The following MEIOC variants were observed in gnomAD, a reference collection of about 807,000 sequenced individuals.
MEIOC encodes the protein meiosis-specific coiled-coil domain-containing protein MEIOC.
In MEIOC, 9 loss-of-function variants were observed where a neutral mutation model predicts 85.3. The observed-to-expected ratio is 0.11, with a 90% CI of 0.06 to 0.18. The LOEUF (loss-of-function observed/expected upper bound fraction) is 0.18. Ranked by LOEUF, MEIOC falls within the 10% of genes least tolerant of loss-of-function variation. The probability of loss-of-function intolerance (pLI) is 1.00; values close to 1 mark genes in which losing one functional copy is unlikely to be tolerated. For missense variants in MEIOC, 898 were observed against 1,129.4 expected, an observed-to-expected ratio of 0.80 and a Z score of 2.94; for synonymous variants, 365 against 393.7, an observed-to-expected ratio of 0.93 and a Z score of 0.86.
rs1332667229 is a variant in MEIOC, at chr17:44,674,902, T to C, written c.*706T>C. 1.0e-6 allele frequency: 1 copy of C among 966,590 alleles called. No individual in the cohort carries two copies. The highest frequency in any genetic ancestry group is 1.8e-5 in the African/African-American group (1 of 56,822). 59.9% of individuals were successfully genotyped at this position (966,590 alleles called of 1,614,324 possible). ...TTTGTGTATATTCTTTAAATTTTAA[T>C]TATATTATCAATTGTTAAATGTTTC... On this transcript the variant is annotated 3_prime_UTR_variant, in exon 8 of 8. Transcript: ENST00000409122.
chr17:44,666,425 T>C lies in MEIOC; in HGVS notation c.514T>C (p.Phe172Leu). The C allele has an allele frequency of 6.4e-7, 1 of 1,553,782 alleles. No individual in the cohort carries two copies. Among genetic ancestry groups the C allele is most frequent in the Non-Finnish European group, 8.7e-7 (1 of 1,147,804 alleles). The change falls in exon 5 of 8, where the codon TTT (phenylalanine) becomes CTT (leucine). Residue 172 changes from phenylalanine (F) to leucine (L), a missense_variant. Phe to Leu is a conservative substitution (Grantham distance 22). Around this residue, in one of 2 missense-constraint regions of MEIOC, gnomAD observed 734 missense variants for 860.1 expected, o/e 0.85. Coordinates refer to ENST00000409122, the MANE Select transcript of MEIOC (RefSeq NM_001145080.3). ...AGTTTGGCCAATGAACACAAGCAGA[T>C]TTGCAGATCACCATGACCTCTTAAC... Reference protein sequence around the residue: ...KSVWPMNTSRFADHHDLLTET... With the variant: ...KSVWPMNTSRLADHHDLLTET...
At chr17:44,657,332 A>T in intron 2 of MEIOC, 71 bp downstream of exon 2, 3 of 1,180,502 alleles carry the variant, frequency 2.5e-6, no homozygotes, top group Non-Finnish European at 2.4e-6. Flanking sequence ...ACCGATTCAT[A>T]GGTGTTTAAT....
In MEIOC at chr17:44,666,867, A is replaced by G. The variant is rs766231630; in HGVS notation, c.956A>G (p.Tyr319Cys). The G allele has an allele frequency of 3.7e-6, 6 of 1,610,520 alleles. No homozygotes were observed. Among genetic ancestry groups the G allele is most frequent in the Non-Finnish European group, 4.2e-6 (5 of 1,178,028 alleles). Residue 319 changes from tyrosine (Y) to cysteine (C), a missense_variant, in exon 5 of 8, where the codon TAC becomes TGC. Tyr to Cys is a radical substitution (Grantham distance 194). Around this residue, in one of 2 missense-constraint regions of MEIOC, gnomAD observed 734 missense variants for 860.1 expected, o/e 0.85. Transcript: ENST00000409122. Reference sequence around the variant, plus strand: ...ATGTTTCTTTCTCAATTTAATAGATACAATGAAAATGTAGATTATTGTAGA... The same window carrying G: ...ATGTTTCTTTCTCAATTTAATAGATGCAATGAAAATGTAGATTATTGTAGA... ...AEMFLSQFNR[Y>C]NENVDYCRYP...
At chr17:44,671,601 C>G (rs530974055) in intron 6 of MEIOC, among the ~76,000 whole-genome samples, 1 of 149,662 alleles carries the variant, frequency 6.7e-6, no homozygotes, top group South Asian at 2.1e-4. Flanking sequence ...ATTTCATTAA[C>G]AGAGGATTTT....
At chr17:44,670,756 C>A in intron 6 of MEIOC, 1 of 129,490 alleles carries the variant, frequency 7.7e-6, no homozygotes, top group Middle Eastern at 3.5e-3. Flanking sequence ...ACAGGTTGGT[C>A]TCAAACTCCT....
At chr17:44,658,154 ATTTTT>A (rs71136034) in intron 2 of MEIOC, among the ~76,000 whole-genome samples, 2 of 128,586 alleles carry the variant, frequency 1.6e-5, no homozygotes, top group Non-Finnish European at 1.6e-5. Flanking sequence ...CCCAGGAACA[ATTTTT>A]TTTTTTTTTT....
chr17:44,657,007 TC>T, intron 1 of MEIOC, 119 bp from the exon 2 acceptor site: 1 of 1,193,494 alleles, frequency 8.4e-7, no homozygotes, highest in South Asian at 1.7e-5. Flanking sequence ...CACATTCGTG[TC>T]CTCTGAGAGG....
chr17:44,667,526 A>G lies in MEIOC; in HGVS notation c.1615A>G (p.Asn539Asp). ...TTTATTTCAGAAATATTGCCAAGAA[A>G]ACCCTTCAGCATTTTCTAGTTTTGA... Reference protein sequence around the residue: ...SNLFQKYCQENPSAFSSFDFS... With the variant: ...SNLFQKYCQEDPSAFSSFDFS... Residue 539 changes from asparagine (N) to aspartate (D), a missense_variant, in exon 5 of 8, where the codon AAC becomes GAC. By Grantham distance (23) the Asn-to-Asp change is conservative (BLOSUM62 1). This residue lies in a region of MEIOC where 734 missense variants were observed against 860.1 expected (regional missense o/e 0.85). Transcript: ENST00000409122. The G allele has an allele frequency of 1.2e-6, 2 of 1,613,938 alleles. No homozygotes were observed. Among genetic ancestry groups the G allele is most frequent in the South Asian group, 1.1e-5 (1 of 91,080 alleles).
chr17:44,665,122 T>A, intron 3 of MEIOC: 1 of 1,018,090 alleles, frequency 9.8e-7, no homozygotes, highest in Non-Finnish European at 1.2e-6. Flanking sequence ...AACCATGTGT[T>A]GTGGAGAAAT....
rs768768198 is a variant in MEIOC, at chr17:44,675,410, T to G, written c.*1214T>G. On this transcript the variant is annotated 3_prime_UTR_variant, in exon 8 of 8. Transcript: ENST00000409122. ...TGGGTTTTAACATTTCTAGCATGAG[T>G]TAAACTATAATGTACTGATGAAATT... is the stretch of plus-strand genomic sequence containing the variant. 1.1e-5 allele frequency: 11 copies of G among 970,922 alleles called. No individual in the cohort carries two copies. The highest frequency in any genetic ancestry group is 1.2e-5 in the Non-Finnish European group (10 of 816,822). The allele number at this position is 970,922 out of a possible 1,614,324, so 60.1% of individuals were successfully genotyped here. A position where few individuals can be genotyped will look rare whatever the true frequency, so the allele number is the denominator to read the frequency against.
At chr17:44,663,660 C>CTTAA (rs1971869579) in intron 3 of MEIOC, among the ~76,000 whole-genome samples, 1 of 152,140 alleles carries the variant, frequency 6.6e-6, no homozygotes, top group Non-Finnish European at 1.5e-5. Context: ...GAAAGTCTGT[C>CTTAA]TTAACCTTCT....
intron 2 of MEIOC, among the ~76,000 whole-genome samples, chr17:44,658,976 A>G (rs1222971982): frequency 2.6e-5 from 4 of 151,956 alleles, no homozygotes; most frequent in Non-Finnish European, 5.9e-5. Context: ...CATATTTTTG[A>G]TAATTTAAAG....
chr17:44,656,809 G>A, intron 1 of MEIOC, 127 bp downstream of exon 1: 1 of 414,404 alleles, frequency 2.4e-6, no homozygotes, highest in Non-Finnish European at 3.9e-6. Flanking sequence ...TGGGGAGGCC[G>A]AACGGGGCGG....
At position 44,674,324 on chromosome 17, in the gene MEIOC, A is replaced by C; in HGVS notation, c.*128A>C. The C allele has an allele frequency of 7.0e-7, 1 of 1,423,100 alleles. No homozygotes were observed. The highest frequency in any genetic ancestry group is 2.5e-5 in the East Asian group (1 of 39,986). The allele number at this position is 1,423,100 out of a possible 1,614,324, so 88.2% of individuals were successfully genotyped here. The stretch of plus-strand genomic sequence containing the variant: ...ATTTAAAGTTAATACCAGTACCTTA[A>C]TGAAGTCTAACTTCTATTTAAAAAT... On this transcript the variant is annotated 3_prime_UTR_variant, in exon 8 of 8. Coordinates refer to ENST00000409122, the MANE Select transcript of MEIOC (RefSeq NM_001145080.3).
Position 44,667,571 on chromosome 17 carries a change from G to C in MEIOC, c.1660G>C (p.Glu554Gln). ...TTTTGATTTTAGTTACAGTGGTGCA[G>C]AAAGAATCCAATCTGTCAATCACAT... ...SSFDFSYSGA[E>Q]RIQSVNHIEG... The change falls in exon 5 of 8, where the codon GAA becomes CAA. Residue 554 changes from glutamate to glutamine, a missense_variant. Transcript: ENST00000409122. 1 of 1,613,824 alleles carries C rather than the reference G, an allele frequency of 6.2e-7. No individual in the cohort carries two copies. The highest frequency in any genetic ancestry group is 1.7e-5 in the Admixed American group (1 of 59,998).
At chr17:44,662,790 TA>T (rs1429624780) in intron 3 of MEIOC, among the ~76,000 whole-genome samples, 1 of 152,220 alleles carries the variant, frequency 6.6e-6, no homozygotes, top group African/African-American at 2.4e-5. Flanking sequence ...TAGCTGGGAC[TA>T]CAGGTATGCA....
chr17:44,662,174 A>G (rs968867406), intron 2 of MEIOC, 143 bp from the exon 3 acceptor site: 2 of 680,156 alleles, frequency 2.9e-6, no homozygotes, highest in African/African-American at 1.8e-5. Context: ...CCTGGTATAA[A>G]GCAAGCTTAA....
At chr17:44,671,862 C>T (rs1294208622) in intron 6 of MEIOC, among the ~76,000 whole-genome samples, 8 of 150,594 alleles carry the variant, frequency 5.3e-5, no homozygotes, top group South Asian at 2.1e-4. Context: ...GCCGAGATCG[C>T]GCCACTGCAC....
chr17:44,668,364 C>CA, intron 5 of MEIOC, 131 bp downstream of exon 5: 1 of 862,440 alleles, frequency 1.2e-6, no homozygotes, highest in Non-Finnish European at 1.7e-6. Context: ...TTTAAAGAGA[C>CA]AGAGTCTCGC....
Sources: gnomAD v4.1 joint callset for allele counts (sites outside exome capture counted in the v4.1 genomes callset) on GRCh38, gnomAD v4.1.1 for gene constraint, gnomAD v4.1.1 regional missense constraint, MANE v1.5 for transcripts, NCBI Gene and HGNC (gene_info 2026-07-23, HGNC 2026-07-21) for gene names.